The following SLC35F5 variants were observed in gnomAD, a reference collection of about 807,000 sequenced individuals.
The protein encoded by SLC35F5 is HCV NS5A-transactivated protein 3.
A neutral mutation model predicts 68.6 loss-of-function variants in SLC35F5; 54 were observed. The observed-to-expected ratio is 0.79, with a 90% CI of 0.63 to 0.99. The LOEUF (loss-of-function observed/expected upper bound fraction) is 0.99. Ranked by LOEUF, SLC35F5 falls within the 50% of genes least tolerant of loss-of-function variation. SLC35F5 has a pLI of 0.00. For missense variants in SLC35F5, 567 were observed against 626.9 expected (o/e 0.90, Z 1.02); for synonymous variants, 211 against 205.2 (o/e 1.03, Z -0.24).
chr2:113,735,790 T>A lies in SLC35F5; in HGVS notation c.819A>T (p.Leu273Phe), dbSNP rs148152519. 4.8e-3 allele frequency: 7,736 copies of A among 1,603,190 alleles called. 39 individuals are homozygous for A. The highest frequency in any genetic ancestry group is 5.6e-3 in the Non-Finnish European group (6,631 of 1,175,668). ...SDTQVAIVNI[L>F]SSTSGLFTLI... ...CAAATTTCTTACCGGAAGTTGAAGA[T>A]AAAATATTAACTATAGCAACTTGTG... is the stretch of plus-strand genomic sequence containing the variant. The change falls in exon 8 of 16, where the codon TTA (leucine) becomes TTT (phenylalanine). Residue 273 changes from leucine to phenylalanine, a missense_variant. Coordinates refer to ENST00000245680, the MANE Select transcript of SLC35F5 (RefSeq NM_025181.5).
intron 7 of SLC35F5, among the ~76,000 whole-genome samples, chr2:113,739,623 CTGTT>C (rs1482277921): frequency 6.6e-6 from 1 of 152,108 alleles, no homozygotes; most frequent in Admixed American, 6.5e-5. Flanking sequence ...GTTGGGATCT[CTGTT>C]TGCTTGTTTT....
intron 5 of SLC35F5, chr2:113,744,009 A>G (rs886671992): frequency 1.3e-4 from 49 of 370,780 alleles, no homozygotes; most frequent in Non-Finnish European, 3.9e-5. Flanking sequence ...TAGCAATGTA[A>G]TGTAACAGCA....
rs1686991047 is a variant in SLC35F5, at chr2:113,711,737, ACTC to A, written c.*3478_*3480del. Among the ~76,000 whole-genome samples the A allele has an allele frequency of 6.6e-6, 1 of 152,204 alleles. No individual in the cohort carries two copies. Among genetic ancestry groups the A allele is most frequent in the Non-Finnish European group, 1.5e-5 (1 of 68,036 alleles). ...ATGTTACAGGTAATTATTTCTGTTA[ACTC>A]CTCCTAAAATATTATTTAGTAATAA... On this transcript the variant is annotated 3_prime_UTR_variant, in exon 16 of 16. Coordinates refer to ENST00000245680, the MANE Select transcript of SLC35F5 (RefSeq NM_025181.5).
chr2:113,722,152 T>C (rs988831189), intron 13 of SLC35F5, among the ~76,000 whole-genome samples: 11 of 151,904 alleles, frequency 7.2e-5, no homozygotes, highest in African/African-American at 2.4e-4. Context: ...TTTTTGTATT[T>C]TTAGTAGAGA....
intron 7 of SLC35F5, among the ~76,000 whole-genome samples, chr2:113,741,699 T>TA (rs11448220): frequency 0.23 from 32,318 of 141,928 alleles, 3,817 homozygotes; most frequent in African/African-American, 0.25. Context: ...GAAACTCCAT[T>TA]AAAAAAAAAA....
rs749183568 is a variant in SLC35F5 at position 113,734,708 on chromosome 2, A to G, written c.833-35T>C. On this transcript the variant is annotated intron_variant, in intron 8 of 15. Transcript: ENST00000245680. Reference sequence around the variant, plus strand: ...GAAAAGAATTTAAAAATGGTACATGAGTTTAAATACTGTCAACATTTTTAC... The same window carrying G: ...GAAAAGAATTTAAAAATGGTACATGGGTTTAAATACTGTCAACATTTTTAC... 15 of 1,292,280 alleles carry G rather than the reference A, an allele frequency of 1.2e-5. 1 individual carries two copies. Among genetic ancestry groups the G allele is most frequent in the Admixed American group, 3.9e-5 (2 of 51,718 alleles). The allele number at this position is 1,292,280 out of a possible 1,614,324, so 80.1% of individuals were successfully genotyped here.
rs138199812 is a variant in SLC35F5 at position 113,746,180 on chromosome 2, G to A, written c.480+97C>T. The A allele has an allele frequency of 5.5e-4, 486 of 890,070 alleles. 6 individuals are homozygous for A. The East Asian group carries it at 8.9e-3, about 16-fold the overall frequency. 55.1% of individuals were successfully genotyped at this position (890,070 alleles called of 1,614,324 possible). A position where few individuals can be genotyped will look rare whatever the true frequency, so the allele number is the denominator to read the frequency against. On this transcript the variant is annotated intron_variant, in intron 5 of 15. Coordinates refer to ENST00000245680, the MANE Select transcript of SLC35F5 (RefSeq NM_025181.5). Reference sequence around the variant, plus strand: ...GCACCCAATATTGAGCCATATCTATGTTGTAATACAGCTTTGCTGCCATCA... The same window carrying A: ...GCACCCAATATTGAGCCATATCTATATTGTAATACAGCTTTGCTGCCATCA...
rs1676345482 is a variant in SLC35F5 at position 113,742,975 on chromosome 2, T to C, written c.563-96A>G. 2.5e-6 allele frequency: 3 copies of C among 1,207,824 alleles called. No homozygotes were observed. In the South Asian group the frequency reaches 4.3e-5, roughly 17 times the overall value. The allele number at this position is 1,207,824 out of a possible 1,614,324, so 74.8% of individuals were successfully genotyped here. Reference sequence around the variant, plus strand: ...ACTGATAAATGTATAAGTTCATCTATGATCAGAGTAAGACAGTCAAAGTAA... The same window carrying C: ...ACTGATAAATGTATAAGTTCATCTACGATCAGAGTAAGACAGTCAAAGTAA... On this transcript the variant is annotated intron_variant, in intron 6 of 15. Transcript: ENST00000245680.
chr2:113,742,573 T>C, intron 7 of SLC35F5, 119 bp downstream of exon 7: 1 of 1,007,596 alleles, frequency 9.9e-7, no homozygotes. Context: ...ATAGCAGAGT[T>C]TAAAGTCATG....
chr2:113,756,579 G>A lies in SLC35F5; in HGVS notation c.-170C>T. On this transcript the variant is annotated 5_prime_UTR_variant, in exon 1 of 16. Coordinates refer to ENST00000245680, the MANE Select transcript of SLC35F5 (RefSeq NM_025181.5). ...CACCCAACTCCACTCGGCCCAGGAGGGCGTGGAGCGGGTGAGGGGAAGGGA... is the reference window on the plus strand; with the variant it reads ...CACCCAACTCCACTCGGCCCAGGAGAGCGTGGAGCGGGTGAGGGGAAGGGA... The A allele has an allele frequency of 3.5e-6, 5 of 1,430,518 alleles. No homozygotes were observed. The highest frequency in any genetic ancestry group is 2.6e-5 in the East Asian group (1 of 38,466). 88.6% of individuals were successfully genotyped at this position (1,430,518 alleles called of 1,614,324 possible).
In SLC35F5 at chr2:113,750,533, G is replaced by T; in HGVS notation, c.309C>A (p.Ser103Arg). ...VFTQYNKPFFSTFAKTSMFVL... is the reference protein window; with the variant it reads ...VFTQYNKPFFRTFAKTSMFVL... ...CAAACATAGATGTTTTTGCAAAGGT[G>T]CTGAAGAATGGTTTGTTGTACTGGG... Residue 103 changes from serine to arginine, a missense_variant, in exon 4 of 16, where the codon AGC becomes AGA. By Grantham distance (110) the Ser-to-Arg change is moderately radical (BLOSUM62 -1). Coordinates refer to ENST00000245680, the MANE Select transcript of SLC35F5 (RefSeq NM_025181.5). 6.2e-7 allele frequency: 1 copy of T among 1,612,506 alleles called. No homozygotes were observed. The highest frequency in any genetic ancestry group is 8.5e-7 in the Non-Finnish European group (1 of 1,179,336).
At chr2:113,728,651 T>G (rs1172389829) in intron 11 of SLC35F5, among the ~76,000 whole-genome samples, 1 of 152,208 alleles carries the variant, frequency 6.6e-6, no homozygotes, top group African/African-American at 2.4e-5. Context: ...CAGATGCCTA[T>G]GAGATAAATA....
intron 1 of SLC35F5, 31 bp from the exon 2 acceptor site, chr2:113,755,575 A>T (rs1265698143): frequency 3.8e-6 from 6 of 1,561,678 alleles, no homozygotes; most frequent in Non-Finnish European, 5.3e-6. Flanking sequence ...ATGCTATGAA[A>T]ACGTGAATAA....
At chr2:113,720,326 T>G (rs1188521361) in intron 13 of SLC35F5, among the ~76,000 whole-genome samples, 1 of 139,060 alleles carries the variant, frequency 7.2e-6, no homozygotes. Flanking sequence ...CTTTGAGAAT[T>G]AAAAAAAAAA....
At position 113,709,868 on chromosome 2, in the gene SLC35F5, G is replaced by C. The variant is rs1465572235; in HGVS notation, c.*5350C>G. ...ACTTTGCTGCCCAGGCTGGACTGCAGTGGCCCAATAATAACTCACTGCAGC... is the reference window on the plus strand; with the variant it reads ...ACTTTGCTGCCCAGGCTGGACTGCACTGGCCCAATAATAACTCACTGCAGC... On this transcript the variant is annotated 3_prime_UTR_variant, in exon 16 of 16. Coordinates refer to ENST00000245680, the MANE Select transcript of SLC35F5 (RefSeq NM_025181.5). 6.6e-6 allele frequency among the ~76,000 whole-genome samples: 1 copy of C among 152,184 alleles called. No homozygotes were observed. The highest frequency in any genetic ancestry group is 1.5e-5 in the Non-Finnish European group (1 of 68,028).
At chr2:113,746,820 G>A (rs971058039) in intron 4 of SLC35F5, among the ~76,000 whole-genome samples, 8 of 151,934 alleles carry the variant, frequency 5.3e-5, no homozygotes, top group East Asian at 1.9e-4. Flanking sequence ...TTAGCTACTC[G>A]GGAGGCTGAG....
At chr2:113,728,713 T>A (rs988549419) in intron 11 of SLC35F5, among the ~76,000 whole-genome samples, 5 of 152,262 alleles carry the variant, frequency 3.3e-5, no homozygotes, top group Non-Finnish European at 7.3e-5. Context: ...AGCTGCACTT[T>A]GAACTCTTAT....
At chr2:113,751,583 G>A (rs1676741596) in intron 3 of SLC35F5, among the ~76,000 whole-genome samples, 1 of 152,102 alleles carries the variant, frequency 6.6e-6, no homozygotes, top group Non-Finnish European at 1.5e-5. Flanking sequence ...GCCGAGGCGG[G>A]TGGATCACTT....
intron 14 of SLC35F5, among the ~76,000 whole-genome samples, chr2:113,718,328 T>C (rs963602253): frequency 6.6e-6 from 1 of 152,072 alleles, no homozygotes; most frequent in African/African-American, 2.4e-5. Context: ...CCTCAAGCAA[T>C]TCTCCCACCT....
Sources: allele counts gnomAD v4.1 joint callset (sites outside exome capture counted in the v4.1 genomes callset), GRCh38; gene constraint gnomAD v4.1.1; transcripts MANE v1.5; gene names NCBI Gene and HGNC (gene_info 2026-07-23, HGNC 2026-07-21).